Variants in ADGRV1 observed in about 807,000 individuals in gnomAD.
ADGRV1 encodes adhesion G protein-coupled receptor V1, also known as G-protein coupled receptor 98.
In ADGRV1, 359 loss-of-function variants were observed where a neutral mutation model predicts 596.2. The ratio of observed to expected loss-of-function variants is 0.60; its 90% CI spans 0.55 to 0.66. The LOEUF (loss-of-function observed/expected upper bound fraction) is 0.66. Ranked by LOEUF, ADGRV1 falls within the 30% of genes least tolerant of loss-of-function variation. The probability of loss-of-function intolerance (pLI) is 0.00; values close to 1 mark genes in which losing one functional copy is unlikely to be tolerated. For synonymous variants in ADGRV1, 2,681 were observed against 2,679.2 expected, an observed-to-expected ratio of 1.00 and a Z score of -0.02; for missense variants, 7,274 against 7,575.6, an observed-to-expected ratio of 0.96 and a Z score of 1.48.
At chr5:91,011,111 T>G (rs540297665) in intron 85 of ADGRV1, among the ~76,000 whole-genome samples, 3 of 151,946 alleles carry the variant, frequency 2.0e-5, no homozygotes, top group Non-Finnish European at 2.9e-5. Flanking sequence ...GTATTTTACT[T>G]TCTGCTTTAG....
intron 76 of ADGRV1, among the ~76,000 whole-genome samples, chr5:90,825,636 G>A (rs1764009167): frequency 1.3e-5 from 2 of 152,174 alleles, no homozygotes; most frequent in South Asian, 4.1e-4. Flanking sequence ...AGAGCCATTA[G>A]GAGTGGGCTT....
At chr5:91,023,501 T>C (rs369956781) in intron 85 of ADGRV1, among the ~76,000 whole-genome samples, 1 of 152,272 alleles carries the variant, frequency 6.6e-6, no homozygotes, top group African/African-American at 2.4e-5. Context: ...TTTTCTTTTG[T>C]TTGGTTTTTG....
At position 90,848,790 on chromosome 5, in the gene ADGRV1, A is replaced by G; in HGVS notation, c.17173A>G (p.Thr5725Ala). 6.3e-7 allele frequency: 1 copy of G among 1,586,148 alleles called. No homozygotes were observed. Among genetic ancestry groups the G allele is most frequent in the Non-Finnish European group, 8.5e-7 (1 of 1,170,012 alleles). The change falls in exon 79 of 90, where the codon ACT becomes GCT. Residue 5725 changes from threonine to alanine, a missense_variant. By Grantham distance (58) the Thr-to-Ala change is moderately conservative. Around this residue, in one of 5 missense-constraint regions of ADGRV1, gnomAD observed 1,874 missense variants for 1,970.2 expected, o/e 0.95. Coordinates refer to ENST00000405460, the MANE Select transcript of ADGRV1 (RefSeq NM_032119.4). ...TGAGAATTTTGCCTTTTCTCTGCTGACTAATGTTACTTGCGGCTCTCCTGG... is the reference window on the plus strand; with the variant it reads ...TGAGAATTTTGCCTTTTCTCTGCTGGCTAATGTTACTTGCGGCTCTCCTGG... ...VTENFAFSLL[T>A]NVTCGSPGEK...
chr5:91,097,447 A>G (rs1308113339), intron 86 of ADGRV1, among the ~76,000 whole-genome samples: 1 of 152,214 alleles, frequency 6.6e-6, no homozygotes, highest in Non-Finnish European at 1.5e-5. Context: ...ATTATATGCA[A>G]ATAGTATATT....
intron 59 of ADGRV1, among the ~76,000 whole-genome samples, chr5:90,769,482 A>C (rs1375572517): frequency 6.6e-6 from 1 of 152,208 alleles, no homozygotes; most frequent in Non-Finnish European, 1.5e-5. Context: ...AGAAATATAC[A>C]GAGAACAACT....
At chr5:90,882,560 T>C (rs1179095123) in intron 83 of ADGRV1, among the ~76,000 whole-genome samples, 2 of 152,220 alleles carry the variant, frequency 1.3e-5, no homozygotes, top group Non-Finnish European at 2.9e-5. Context: ...ATTCCCACTT[T>C]AAAATTTCGA....
chr5:90,641,284 G>A (rs952527263), intron 11 of ADGRV1, among the ~76,000 whole-genome samples: 19 of 152,150 alleles, frequency 1.2e-4, no homozygotes, highest in African/African-American at 3.9e-4. Flanking sequence ...TTATCTGAAC[G>A]GTTCCATTGG....
At chr5:90,879,432 A>G (rs979738657) in intron 83 of ADGRV1, among the ~76,000 whole-genome samples, 5 of 152,192 alleles carry the variant, frequency 3.3e-5, no homozygotes, top group Non-Finnish European at 7.3e-5. Context: ...ATGTTATGGA[A>G]GTAAAACAGT....
chr5:90,908,702 G>A (rs1772553554), intron 83 of ADGRV1, among the ~76,000 whole-genome samples: 1 of 152,130 alleles, frequency 6.6e-6, no homozygotes, highest in African/African-American at 2.4e-5. Context: ...GCATTTGCCT[G>A]AGTGAAGAGT....
chr5:90,627,848 G>C, intron 7 of ADGRV1, 72 bp downstream of exon 7: 2 of 870,482 alleles, frequency 2.3e-6, no homozygotes, highest in Non-Finnish European at 3.2e-6. Flanking sequence ...TTGTGGTGTT[G>C]GACACAACAA....
At chr5:90,757,274 T>C in intron 57 of ADGRV1, 113 bp downstream of exon 57, 2 of 757,578 alleles carry the variant, frequency 2.6e-6, no homozygotes, top group South Asian at 4.1e-5. Context: ...CTCTAAATGT[T>C]TCTATGTTAA....
chr5:91,162,096 G>A (rs1796997945), intron 89 of ADGRV1, among the ~76,000 whole-genome samples: 1 of 152,208 alleles, frequency 6.6e-6, no homozygotes, highest in Non-Finnish European at 1.5e-5. Flanking sequence ...GAAGGAGAGG[G>A]CAGTGGAATA....
chr5:90,758,862 A>G (rs140070002), intron 57 of ADGRV1, among the ~76,000 whole-genome samples: 235 of 152,296 alleles, frequency 1.5e-3, no homozygotes, highest in African/African-American at 5.2e-3. Context: ...AGGAATAGCA[A>G]ATTTGGGTTT....
At position 90,586,331 on chromosome 5, in the gene ADGRV1, G is replaced by A. The variant is rs555240349; in HGVS notation, c.22+27414G>A. On this transcript the variant is annotated intron_variant, in intron 1 of 89. Coordinates refer to ENST00000405460, the MANE Select transcript of ADGRV1 (RefSeq NM_032119.4). ...AAACTAACAATAATTCCATAGTATT[G>A]TTCAGTAATAAGTCCACCTTCAAAT... Among the ~76,000 whole-genome samples the A allele has an allele frequency of 2.2e-3, 331 of 152,208 alleles. 2 individuals are homozygous for A. Among genetic ancestry groups the A allele is most frequent in the African/African-American group, 7.8e-3 (323 of 41,528 alleles).
chr5:90,990,389 A>T (rs1355973613), intron 85 of ADGRV1, among the ~76,000 whole-genome samples: 1 of 152,210 alleles, frequency 6.6e-6, no homozygotes, highest in Admixed American at 6.5e-5. Context: ...CCTGGAGAAC[A>T]GTGATTACTT....
chr5:91,148,341 G>C (rs1397123182), intron 87 of ADGRV1, among the ~76,000 whole-genome samples: 1 of 152,188 alleles, frequency 6.6e-6, no homozygotes, highest in African/African-American at 2.4e-5. Context: ...ATGAGAGAAA[G>C]ATGGTATCCT....
chr5:90,713,355 T>TGAGG (rs1749648146), intron 42 of ADGRV1, among the ~76,000 whole-genome samples: 1 of 148,326 alleles, frequency 6.7e-6, no homozygotes, highest in Non-Finnish European at 1.5e-5. Context: ...TTTTTTTTTT[T>TGAGG]GAGGCTGTGG....
intron 47 of ADGRV1, 139 bp downstream of exon 47, chr5:90,725,371 A>C: frequency 1.4e-6 from 1 of 694,850 alleles, no homozygotes; most frequent in Non-Finnish European, 2.3e-6. Flanking sequence ...ACATTTTAGC[A>C]AAGTATCTTA....
chr5:90,596,132 C>CTGCAATCTCGGCACTTT (rs1760518087), intron 1 of ADGRV1, among the ~76,000 whole-genome samples: 1 of 148,372 alleles, frequency 6.7e-6, no homozygotes, highest in Non-Finnish European at 1.5e-5. Context: ...CGGGCAGAGG[C>CTGCAATCTCGGCACTTT]GCTCCTCACA....
Sources: allele counts gnomAD v4.1 joint callset (sites outside exome capture counted in the v4.1 genomes callset), GRCh38; gene constraint gnomAD v4.1.1; regional missense constraint gnomAD v4.1.1; transcripts MANE v1.5; gene names NCBI Gene and HGNC (gene_info 2026-07-23, HGNC 2026-07-21).